The following ANO10 variants were observed in gnomAD, a reference collection of about 807,000 sequenced individuals.
The protein encoded by ANO10 is anoctamin 10.
A neutral mutation model predicts 74.7 loss-of-function variants in ANO10; 77 were observed. The observed-to-expected ratio is 1.03, with a 90% confidence interval of 0.86 to 1.25. The LOEUF (loss-of-function observed/expected upper bound fraction) is 1.25. Among genes scored for constraint, ANO10 ranks in the 50% most tolerant of loss-of-function variants. The pLI is 0.00. For synonymous variants in ANO10, 279 were observed against 284.9 expected (o/e 0.98, Z 0.21); for missense variants, 721 against 778.1 (o/e 0.93, Z 0.87).
At chr3:43,644,527 A>T (rs1365027485) in intron 1 of ANO10, among the ~76,000 whole-genome samples, 2 of 152,220 alleles carry the variant, frequency 1.3e-5, no homozygotes, top group African/African-American at 4.8e-5. Flanking sequence ...TGGCCTCTCC[A>T]GATCCAAGAT....
chr3:43,633,666 A>C (rs2083573232), intron 1 of ANO10, among the ~76,000 whole-genome samples: 1 of 152,202 alleles, frequency 6.6e-6, no homozygotes, highest in Non-Finnish European at 1.5e-5. Context: ...AAGGGGTTGA[A>C]ATTTTACCAC....
chr3:43,524,406 A>T (rs544223652), intron 11 of ANO10, among the ~76,000 whole-genome samples: 1 of 92,302 alleles, frequency 1.1e-5, no homozygotes. Flanking sequence ...AGAGCTGTCT[A>T]TAAGTGGTAA....
intron 12 of ANO10, among the ~76,000 whole-genome samples, chr3:43,403,571 G>C (rs1472047520): frequency 6.6e-6 from 1 of 152,212 alleles, no homozygotes; most frequent in African/African-American, 2.4e-5. Flanking sequence ...TGGAAGCAGG[G>C]GAAAGCTGTG....
At chr3:43,368,494 TAA>T (rs1259084625) in intron 12 of ANO10, among the ~76,000 whole-genome samples, 1 of 152,184 alleles carries the variant, frequency 6.6e-6, no homozygotes, top group Non-Finnish European at 1.5e-5. Flanking sequence ...CTAGGCACTG[TAA>T]AAGTCTCCCC....
At chr3:43,561,009 C>T (rs1447814180) in intron 9 of ANO10, among the ~76,000 whole-genome samples, 3 of 152,180 alleles carry the variant, frequency 2.0e-5, no homozygotes, top group African/African-American at 7.2e-5. Flanking sequence ...CCTTTGGTGT[C>T]ATTATGCGTA....
chr3:43,611,617 A>AT (rs2082822050), intron 1 of ANO10, among the ~76,000 whole-genome samples: 1 of 152,218 alleles, frequency 6.6e-6, no homozygotes, highest in Non-Finnish European at 1.5e-5. Flanking sequence ...ATAAAAGTAC[A>AT]TGCCACAGTG....
intron 1 of ANO10, among the ~76,000 whole-genome samples, chr3:43,615,961 GCAT>G (rs2149529139): frequency 6.6e-6 from 1 of 152,060 alleles, no homozygotes; most frequent in East Asian, 1.9e-4. Context: ...CTACCAAATG[GCAT>G]TTTTTAACTA....
chr3:43,531,857 C>T (rs566318377), intron 11 of ANO10, among the ~76,000 whole-genome samples: 112 of 151,370 alleles, frequency 7.4e-4, no homozygotes, highest in Admixed American at 2.7e-3. Flanking sequence ...ATTGGGCCAT[C>T]GGCCACTGCA....
chr3:43,617,564 G>A (rs2083180835), intron 1 of ANO10, among the ~76,000 whole-genome samples: 1 of 152,114 alleles, frequency 6.6e-6, no homozygotes, highest in South Asian at 2.1e-4. Context: ...GCCCACAAGA[G>A]GTAAAGTCTG....
chr3:43,396,759 C>A (rs1343348226), intron 12 of ANO10, among the ~76,000 whole-genome samples: 1 of 152,188 alleles, frequency 6.6e-6, no homozygotes, highest in East Asian at 1.9e-4. Context: ...AGCTCAGGAG[C>A]TCAAACTCCT....
At chr3:43,658,911 A>C (rs1160047719) in intron 1 of ANO10, among the ~76,000 whole-genome samples, 1 of 152,162 alleles carries the variant, frequency 6.6e-6, no homozygotes, top group Non-Finnish European at 1.5e-5. Context: ...GGGGTGCTGG[A>C]ATAGTCTATT....
intron 11 of ANO10, among the ~76,000 whole-genome samples, chr3:43,442,878 T>C (rs1256872533): frequency 6.6e-6 from 1 of 152,234 alleles, no homozygotes; most frequent in Admixed American, 6.5e-5. Flanking sequence ...TCCTTTGGTA[T>C]AGATTGTATA....
chr3:43,608,211 AAAGTACCTTG>A (rs2082650029), intron 1 of ANO10, among the ~76,000 whole-genome samples: 1 of 152,214 alleles, frequency 6.6e-6, no homozygotes, highest in Non-Finnish European at 1.5e-5. Context: ...AAATAAAGAC[AAAGTACCTTG>A]AAGGGCAATA....
chr3:43,413,617 T>C (rs1321963986), intron 12 of ANO10, among the ~76,000 whole-genome samples: 3 of 150,854 alleles, frequency 2.0e-5, no homozygotes, highest in Non-Finnish European at 4.4e-5. Flanking sequence ...ATTAAACCTC[T>C]TTTCTTTATA....
chr3:43,550,954 T>A (rs540645764), intron 10 of ANO10, among the ~76,000 whole-genome samples: 43 of 152,306 alleles, frequency 2.8e-4, no homozygotes, highest in African/African-American at 1.0e-3. Flanking sequence ...CACTCTTTCC[T>A]ACTCCCTTTT....
At chr3:43,423,024 A>G (rs2092842556) in intron 12 of ANO10, among the ~76,000 whole-genome samples, 1 of 151,928 alleles carries the variant, frequency 6.6e-6, no homozygotes, top group Non-Finnish European at 1.5e-5. Flanking sequence ...AGTACAAACT[A>G]TTTTAGAATT....
intron 11 of ANO10, among the ~76,000 whole-genome samples, chr3:43,437,022 A>G (rs1333586961): frequency 6.6e-6 from 1 of 152,230 alleles, no homozygotes. Context: ...GCTGATTACT[A>G]GACAAATTAC....
chr3:43,608,440 T>G (rs1165489775), intron 1 of ANO10, among the ~76,000 whole-genome samples: 3 of 152,156 alleles, frequency 2.0e-5, no homozygotes, highest in African/African-American at 7.2e-5. Flanking sequence ...AATTTTTGTA[T>G]TTTTTGTAGA....
chr3:43,578,830 T>A (rs2081136271), intron 5 of ANO10, among the ~76,000 whole-genome samples: 1 of 147,416 alleles, frequency 6.8e-6, no homozygotes, highest in Admixed American at 6.7e-5. Context: ...ATATTCAAAT[T>A]TCCTGCCACT....
Sources: allele counts gnomAD v4.1 joint callset (sites outside exome capture counted in the v4.1 genomes callset), GRCh38; gene constraint gnomAD v4.1.1; transcripts MANE v1.5; gene names NCBI Gene and HGNC (gene_info 2026-07-23, HGNC 2026-07-21).